The following CCNE1 variants were observed in gnomAD, a reference collection of about 807,000 sequenced individuals.
The protein encoded by CCNE1 is cyclin E1.
Under a neutral mutation model 54.1 loss-of-function variants are expected in CCNE1, and 8 were observed. The observed-to-expected ratio is 0.15, with a 90% CI of 0.09 to 0.27. The LOEUF is 0.27. Among genes scored for constraint, CCNE1 ranks in the 10% least tolerant of loss-of-function variants. The probability of loss-of-function intolerance (pLI) is 1.00; values close to 1 mark genes in which losing one functional copy is unlikely to be tolerated. For synonymous variants in CCNE1, 179 were observed against 185.2 expected (o/e 0.97, Z 0.27); for missense variants, 430 against 514.9 (o/e 0.84, Z 1.60).
chr19:29,812,490 C>A, intron 1 of CCNE1, 42 bp from the exon 2 acceptor site: 2 of 1,241,994 alleles, frequency 1.6e-6, no homozygotes, highest in South Asian at 3.1e-5. Context: ...ACTGGGCCCG[C>A]GGCCTGACCC....
chr19:29,823,675 A>T lies in CCNE1; in HGVS notation c.1131A>T (p.Lys377Asn). ...AACAGGACAAAGCCCGAGCAAAGAA[A>T]GCCATGTTGTCTGAACAAAATAGGG... ...LDLLDKARAK[K>N]AMLSEQNRAS... Residue 377 changes from lysine (K) to asparagine (N), a missense_variant, in exon 12 of 12, where the codon AAA (lysine) becomes AAT (asparagine). By Grantham distance (94) the Lys-to-Asn change is moderately conservative (BLOSUM62 0). Coordinates refer to ENST00000262643, the MANE Select transcript of CCNE1 (RefSeq NM_001238.4). 6.2e-7 allele frequency: 1 copy of T among 1,614,044 alleles called. No homozygotes were observed. The highest frequency in any genetic ancestry group is 1.1e-5 in the South Asian group (1 of 91,048).
In CCNE1 at chr19:29,819,693, G is replaced by C. The variant is rs1055919063; in HGVS notation, c.463-1009G>C. 9.9e-5 allele frequency among the ~76,000 whole-genome samples: 15 copies of C among 152,208 alleles called. 1 individual carries two copies. Among genetic ancestry groups the C allele is most frequent in the South Asian group, 8.3e-4 (4 of 4,832 alleles). ...TAAACATAAAAGATGAGATTTTATTGGTTGTATATCTTACTGGGATGAACT... is the reference window on the plus strand; with the variant it reads ...TAAACATAAAAGATGAGATTTTATTCGTTGTATATCTTACTGGGATGAACT... On this transcript the variant is annotated intron_variant, in intron 6 of 11. Coordinates refer to ENST00000262643, the MANE Select transcript of CCNE1 (RefSeq NM_001238.4).
At chr19:29,821,592 T>G in intron 7 of CCNE1, 130 bp from the exon 8 acceptor site, 1 of 400,498 alleles carries the variant, frequency 2.5e-6, no homozygotes, top group Non-Finnish European at 4.5e-6. Flanking sequence ...GTGTGGCTTC[T>G]GTGTTAATTC....
chr19:29,817,361 C>T (rs1974046375), intron 5 of CCNE1, 45 bp from the exon 6 acceptor site: 2 of 1,613,566 alleles, frequency 1.2e-6, no homozygotes, highest in African/African-American at 1.3e-5. Context: ...TGGACGCATT[C>T]TTACCCCTTT....
At chr19:29,814,030 C>T (rs571782860) in intron 4 of CCNE1, among the ~76,000 whole-genome samples, 3 of 152,244 alleles carry the variant, frequency 2.0e-5, no homozygotes, top group Admixed American at 6.5e-5. Context: ...CGCAGTGCGC[C>T]GTGTTCTAAA....
chr19:29,817,728 T>C lies in CCNE1; in HGVS notation c.462+187T>C, dbSNP rs3218046. On this transcript the variant is annotated intron_variant, in intron 6 of 11. Coordinates refer to ENST00000262643, the MANE Select transcript of CCNE1 (RefSeq NM_001238.4). ...TTAGCAAGAATTTCTGAAATCTTTT[T>C]ATCCTTCAGATGTTTTAAAATTGGC... Among the ~76,000 whole-genome samples the C allele has an allele frequency of 2.3e-3, 343 of 152,364 alleles. 1 individual carries two copies. Among genetic ancestry groups the C allele is most frequent in the African/African-American group, 7.8e-3 (324 of 41,588 alleles).
At chr19:29,813,307 T>C in intron 4 of CCNE1, 1 of 481,174 alleles carries the variant, frequency 2.1e-6, no homozygotes, top group African/African-American at 1.9e-5. Context: ...GACATCACAG[T>C]ATTCAGTCCT....
At chr19:29,818,296 G>T (rs1401441556) in intron 6 of CCNE1, among the ~76,000 whole-genome samples, 1 of 152,198 alleles carries the variant, frequency 6.6e-6, no homozygotes, top group Non-Finnish European at 1.5e-5. Flanking sequence ...AAAGTGCTGA[G>T]ATTACAGGCG....
At chr19:29,817,844 G>A (rs1225201762) in intron 6 of CCNE1, among the ~76,000 whole-genome samples, 1 of 134,416 alleles carries the variant, frequency 7.4e-6, no homozygotes, top group Non-Finnish European at 1.6e-5. Context: ...TGTTCATTAT[G>A]TTCATTAAAT....
intron 11 of CCNE1, among the ~76,000 whole-genome samples, chr19:29,822,943 CAAAAAAA>C (rs11292796): frequency 7.0e-6 from 1 of 143,156 alleles, no homozygotes; most frequent in Non-Finnish European, 1.5e-5. Context: ...AACTATGTCT[CAAAAAAA>C]AAAAAACTGC....
intron 4 of CCNE1, among the ~76,000 whole-genome samples, chr19:29,814,998 T>C (rs993825675): frequency 2.0e-5 from 3 of 152,236 alleles, no homozygotes; most frequent in Non-Finnish European, 2.9e-5. Context: ...GGGTCTCTTA[T>C]TGTTATCTCA....
At chr19:29,820,652 T>TTC (rs1229465482) in intron 6 of CCNE1, 50 bp from the exon 7 acceptor site, 9 of 1,300,866 alleles carry the variant, frequency 6.9e-6, no homozygotes, top group African/African-American at 1.5e-5. Flanking sequence ...TTTTTTCCCC[T>TTC]CCCTCAAGTA....
intron 4 of CCNE1, among the ~76,000 whole-genome samples, chr19:29,816,142 G>A (rs938717452): frequency 1.4e-5 from 2 of 144,850 alleles, no homozygotes; most frequent in Admixed American, 1.4e-4. Flanking sequence ...GGGAACAGAG[G>A]GAGACCCTCT....
intron 5 of CCNE1, 48 bp from the exon 6 acceptor site, chr19:29,817,358 A>G: frequency 6.2e-7 from 1 of 1,613,614 alleles, no homozygotes; most frequent in Non-Finnish European, 8.5e-7. Flanking sequence ...GCATGGACGC[A>G]TTCTTACCCC....
intron 4 of CCNE1, 137 bp downstream of exon 4, chr19:29,813,174 C>G (rs759736265): frequency 2.5e-4 from 189 of 749,798 alleles, no homozygotes; most frequent in Non-Finnish European, 3.8e-4. Flanking sequence ...CCCATATGGC[C>G]CAGCACTGTA....
chr19:29,821,077 CA>C (rs796487554), intron 7 of CCNE1, among the ~76,000 whole-genome samples: 150 of 142,482 alleles, frequency 1.1e-3, no homozygotes, highest in Middle Eastern at 7.2e-3. Flanking sequence ...TACATTGAGC[CA>C]AAAAAAAAAA....
At chr19:29,812,289 G>A (rs1973907232) in intron 1 of CCNE1, 137 bp downstream of exon 1, 2 of 194,556 alleles carry the variant, frequency 1.0e-5, no homozygotes, top group Non-Finnish European at 2.1e-5. Flanking sequence ...TGCTGAGAGC[G>A]CGGCGGGGTG....
intron 7 of CCNE1, among the ~76,000 whole-genome samples, chr19:29,821,292 C>G (rs1036371496): frequency 5.3e-5 from 8 of 152,118 alleles, no homozygotes; most frequent in Admixed American, 1.3e-4. Flanking sequence ...GAGGCTGAGG[C>G]AAGAGAATTG....
At chr19:29,823,323 C>T (rs998056381) in intron 11 of CCNE1, among the ~76,000 whole-genome samples, 3 of 152,038 alleles carry the variant, frequency 2.0e-5, no homozygotes, top group African/African-American at 7.2e-5. Context: ...GCGGGCAGAT[C>T]GCCTGATATC....
Sources: allele counts gnomAD v4.1 joint callset (sites outside exome capture counted in the v4.1 genomes callset), GRCh38; gene constraint gnomAD v4.1.1; transcripts MANE v1.5; gene names NCBI Gene and HGNC (gene_info 2026-07-23, HGNC 2026-07-21).